PAPPA2: variants seen among roughly 807,000 people sequenced by gnomAD.
The protein encoded by PAPPA2 is pappalysin-2.
A neutral mutation model predicts 176.4 loss-of-function variants in PAPPA2; 86 were observed. The observed-to-expected ratio is 0.49, with a 90% CI of 0.41 to 0.58. The LOEUF is 0.58. PAPPA2 is among the 20% of genes least tolerant of loss of function. The pLI is 0.00. For missense variants in PAPPA2, 2,073 were observed against 2,256.9 expected, an observed-to-expected ratio of 0.92 and a Z score of 1.65; for synonymous variants, 809 against 852.2, an observed-to-expected ratio of 0.95 and a Z score of 0.88.
In PAPPA2 at chr1:176,556,537, C is replaced by T; in HGVS notation, c.215C>T (p.Pro72Leu). The T allele has an allele frequency of 6.2e-7, 1 of 1,614,146 alleles. No homozygotes were observed. The highest frequency in any genetic ancestry group is 8.5e-7 in the Non-Finnish European group (1 of 1,180,020). Reference sequence around the variant, plus strand: ...CAGCATCACCTCTTTGGAGTCTACCCCAGCAGGGCTGGGAACTACCTAAGG... The same window carrying T: ...CAGCATCACCTCTTTGGAGTCTACCTCAGCAGGGCTGGGAACTACCTAAGG... ...SPQHHLFGVY[P>L]SRAGNYLRPY... The change falls in exon 2 of 23, where the codon CCC (proline) becomes CTC (leucine). Residue 72 changes from proline (P) to leucine (L), a missense_variant. Pro to Leu is a moderately conservative substitution (Grantham distance 98). Around this residue, in one of 4 missense-constraint regions of PAPPA2, gnomAD observed 1,196 missense variants for 1,330.4 expected, o/e 0.90. Transcript: ENST00000367662.
chr1:176,808,433 A>G (rs1666002642), intron 21 of PAPPA2, among the ~76,000 whole-genome samples: 1 of 152,224 alleles, frequency 6.6e-6, no homozygotes, highest in African/African-American at 2.4e-5. Flanking sequence ...TTCTCAAATA[A>G]ATGAAGAAAT....
At chr1:176,596,157 TC>T (rs1243213795) in intron 3 of PAPPA2, among the ~76,000 whole-genome samples, 1 of 152,210 alleles carries the variant, frequency 6.6e-6, no homozygotes, top group Non-Finnish European at 1.5e-5. Context: ...CCCATTAAAT[TC>T]CATTCTTTGT....
chr1:176,529,186 G>T (rs1404662919), intron 1 of PAPPA2, among the ~76,000 whole-genome samples: 1 of 152,120 alleles, frequency 6.6e-6, no homozygotes, highest in Non-Finnish European at 1.5e-5. Flanking sequence ...TGGGACAAAA[G>T]CTAATTTGGT....
rs1376554267 is a variant in PAPPA2 at position 176,551,678 on chromosome 1, G to A, written c.-916-3729G>A. Among the ~76,000 whole-genome samples the A allele has an allele frequency of 5.9e-5, 9 of 152,262 alleles. 1 individual carries two copies. The highest frequency in any genetic ancestry group is 3.3e-4 in the Admixed American group (5 of 15,292). On this transcript the variant is annotated intron_variant, in intron 1 of 22. Transcript: ENST00000367662. ...TAAATATAAGCAAAACACTCCTGAC[G>A]TCCTGGGCTTAAAGGAAACATCATA... is the stretch of plus-strand genomic sequence containing the variant.
At chr1:176,650,145 G>A (rs1657634778) in intron 3 of PAPPA2, among the ~76,000 whole-genome samples, 1 of 151,334 alleles carries the variant, frequency 6.6e-6, no homozygotes, top group African/African-American at 2.4e-5. Flanking sequence ...TCATTATATG[G>A]TAACCTTCTT....
chr1:176,672,512 C>T (rs1659067205), intron 4 of PAPPA2, among the ~76,000 whole-genome samples: 1 of 151,090 alleles, frequency 6.6e-6, no homozygotes, highest in South Asian at 2.1e-4. Flanking sequence ...AGCAAGTATT[C>T]AAAAGATAAC....
At chr1:176,505,467 C>CA (rs1366307227) in intron 1 of PAPPA2, among the ~76,000 whole-genome samples, 1 of 152,028 alleles carries the variant, frequency 6.6e-6, no homozygotes, top group Admixed American at 6.6e-5. Flanking sequence ...AGTAGAGAAA[C>CA]ACGTGAAGTG....
intron 12 of PAPPA2, among the ~76,000 whole-genome samples, chr1:176,726,650 G>A (rs1370515263): frequency 6.6e-6 from 1 of 152,216 alleles, no homozygotes; most frequent in Non-Finnish European, 1.5e-5. Flanking sequence ...CCTTTTAAAA[G>A]ATGGGCTGCA....
At chr1:176,478,508 AG>A (rs1267015069) in intron 1 of PAPPA2, among the ~76,000 whole-genome samples, 1 of 152,256 alleles carries the variant, frequency 6.6e-6, no homozygotes, top group Non-Finnish European at 1.5e-5. Flanking sequence ...AAGAACATGA[AG>A]TATTTGGCAG....
intron 12 of PAPPA2, 113 bp from the exon 13 acceptor site, chr1:176,739,513 G>T: frequency 8.6e-7 from 1 of 1,168,706 alleles, no homozygotes; most frequent in Non-Finnish European, 1.2e-6. Context: ...AAAAAAAATG[G>T]AAGCTCTTAC....
At chr1:176,533,780 G>A (rs991917157) in intron 1 of PAPPA2, among the ~76,000 whole-genome samples, 1 of 152,166 alleles carries the variant, frequency 6.6e-6, no homozygotes, top group Admixed American at 6.5e-5. Context: ...CAAGCTGTCA[G>A]GTGATGCTGA....
chr1:176,672,955 C>T (rs1329317912), intron 4 of PAPPA2, among the ~76,000 whole-genome samples: 2 of 152,046 alleles, frequency 1.3e-5, no homozygotes, highest in Non-Finnish European at 2.9e-5. Flanking sequence ...TATCAGGTTC[C>T]TCAAGTAAGG....
intron 4 of PAPPA2, among the ~76,000 whole-genome samples, chr1:176,685,471 A>G (rs1659793593): frequency 6.6e-6 from 1 of 152,232 alleles, no homozygotes; most frequent in Non-Finnish European, 1.5e-5. Context: ...ATGTGTAACC[A>G]TGCGGAGTCT....
chr1:176,589,840 G>T (rs952390572), intron 2 of PAPPA2, among the ~76,000 whole-genome samples: 4 of 152,178 alleles, frequency 2.6e-5, no homozygotes, highest in Non-Finnish European at 4.4e-5. Context: ...CATTGGTTTT[G>T]TCAGTCTTTA....
intron 21 of PAPPA2, 126 bp downstream of exon 21, chr1:176,800,258 T>A: frequency 1.2e-6 from 1 of 838,064 alleles, no homozygotes; most frequent in Non-Finnish European, 1.8e-6. Context: ...TTTAACTTCT[T>A]AAATTAAGTT....
chr1:176,481,902 T>A (rs1652420825), intron 1 of PAPPA2, among the ~76,000 whole-genome samples: 1 of 151,892 alleles, frequency 6.6e-6, no homozygotes, highest in Admixed American at 6.6e-5. Context: ...AGTAGAGATC[T>A]GGTTTCACCA....
chr1:176,811,371 T>C (rs1666139113), intron 21 of PAPPA2, among the ~76,000 whole-genome samples: 1 of 152,214 alleles, frequency 6.6e-6, no homozygotes, highest in South Asian at 2.1e-4. Flanking sequence ...ACTTCAGCTG[T>C]TTACAAATCA....
intron 14 of PAPPA2, among the ~76,000 whole-genome samples, chr1:176,749,853 A>G (rs989243633): frequency 6.6e-6 from 1 of 152,128 alleles, no homozygotes; most frequent in African/African-American, 2.4e-5. Flanking sequence ...TGAATGTACA[A>G]CCGTTTATTT....
Position 176,556,594 on chromosome 1 carries a change from A to G in PAPPA2, c.272A>G (p.His91Arg), listed in dbSNP as rs757832012. The G allele has an allele frequency of 3.7e-6, 6 of 1,614,198 alleles. No homozygotes were observed. The South Asian group carries it at 6.6e-5, about 18-fold the overall frequency. Residue 91 changes from histidine (H) to arginine (R), a missense_variant, in exon 2 of 23, where the codon CAT becomes CGT. Physicochemically the swap from His to Arg is conservative, Grantham distance 29. Around this residue, in one of 4 missense-constraint regions of PAPPA2, gnomAD observed 1,196 missense variants for 1,330.4 expected, o/e 0.90. Transcript: ENST00000367662. ...CCCGTGGGGGAGCAAGAAATCCATC[A>G]TACAGGACGCAGCAAACCAGACACT... The part of the protein sequence containing the change: ...PYPVGEQEIH[H>R]TGRSKPDTEG...
Sources: gnomAD v4.1 joint callset for allele counts (sites outside exome capture counted in the v4.1 genomes callset) on GRCh38, gnomAD v4.1.1 for gene constraint, gnomAD v4.1.1 regional missense constraint, MANE v1.5 for transcripts, NCBI Gene and HGNC (gene_info 2026-07-23, HGNC 2026-07-21) for gene names.